RNF220: variants seen among roughly 807,000 people sequenced by gnomAD.
RNF220 encodes E3 ubiquitin-protein ligase RNF220.
Under a neutral mutation model 67.1 loss-of-function variants are expected in RNF220, and 7 were observed. That is an observed-to-expected ratio of 0.10 (90% CI 0.06 to 0.20). RNF220 has a LOEUF of 0.20. Among genes scored for constraint, RNF220 ranks in the 10% least tolerant of loss-of-function variants. RNF220 has a pLI of 1.00. For synonymous variants in RNF220, 270 were observed against 283.2 expected, an observed-to-expected ratio of 0.95 and a Z score of 0.47; for missense variants, 565 against 740.3, an observed-to-expected ratio of 0.76 and a Z score of 2.75.
At chr1:44,574,802 T>C (rs1243444714) in intron 2 of RNF220, among the ~76,000 whole-genome samples, 2 of 152,150 alleles carry the variant, frequency 1.3e-5, no homozygotes, top group Non-Finnish European at 2.9e-5. Flanking sequence ...CCGCCTGTGC[T>C]AACCCCTATG....
chr1:44,553,225 AT>A (rs1401223441), intron 2 of RNF220, among the ~76,000 whole-genome samples: 2 of 151,790 alleles, frequency 1.3e-5, no homozygotes, highest in Non-Finnish European at 2.9e-5. Flanking sequence ...TCTTCTTGTA[AT>A]TGCCTCCCTG....
At chr1:44,443,799 A>AT (rs1651797918) in intron 2 of RNF220, among the ~76,000 whole-genome samples, 1 of 152,244 alleles carries the variant, frequency 6.6e-6, no homozygotes, top group Middle Eastern at 3.2e-3. Flanking sequence ...AGCTCAAGAA[A>AT]TAGAGCATTA....
At chr1:44,440,783 G>C (rs539503896) in intron 2 of RNF220, among the ~76,000 whole-genome samples, 2 of 152,332 alleles carry the variant, frequency 1.3e-5, no homozygotes, top group East Asian at 3.9e-4. Flanking sequence ...TGTTGAGGCA[G>C]TATTAATCAT....
rs1643742747 is a variant in RNF220, at chr1:44,620,358, G to A, written c.759-2384G>A. Reference sequence around the variant, plus strand: ...ATCATTGTTCATTCCTTCCTTTTCTGCTGTCACCTGATCCAACTGGAGATA... The same window carrying A: ...ATCATTGTTCATTCCTTCCTTTTCTACTGTCACCTGATCCAACTGGAGATA... On this transcript the variant is annotated intron_variant, in intron 3 of 14. Transcript: ENST00000361799. 1.3e-5 allele frequency among the ~76,000 whole-genome samples: 2 copies of A among 152,180 alleles called. 1 individual carries two copies. Among genetic ancestry groups the A allele is most frequent in the South Asian group, 4.1e-4 (2 of 4,832 alleles).
intron 5 of RNF220, among the ~76,000 whole-genome samples, chr1:44,627,768 C>A (rs72671948): frequency 0.041 from 6,249 of 152,292 alleles, 284 homozygotes; most frequent in African/African-American, 0.097. Context: ...CTGCAGGGAC[C>A]TGTAAGCTTG....
intron 2 of RNF220, among the ~76,000 whole-genome samples, chr1:44,414,899 G>T (rs1315476434): frequency 6.7e-6 from 1 of 150,374 alleles, no homozygotes; most frequent in Non-Finnish European, 1.5e-5. Context: ...GAGGGTGTTC[G>T]TACACCCTCG....
At position 44,614,297 on chromosome 1, in the gene RNF220, G is replaced by A. The variant is rs1643448151; in HGVS notation, c.758G>A (p.Ser253Asn). 2 of 1,613,480 alleles carry A rather than the reference G, an allele frequency of 1.2e-6. No homozygotes were observed. Among genetic ancestry groups the A allele is most frequent in the Non-Finnish European group, 1.7e-6 (2 of 1,179,700 alleles). ...ELEQLAQLPS[S>N]KNSLLKDAMA... The stretch of plus-strand genomic sequence containing the variant: ...GAGCAGCTAGCCCAACTGCCCTCGA[G>A]GTAAGCCACCTCCCAGGGAGCCTGC... The change falls in exon 3 of 15, where the codon AGC (serine) becomes AAC (asparagine). Residue 253 changes from serine (S) to asparagine (N), a missense_variant and splice_region_variant. Physicochemically the swap from Ser to Asn is conservative, Grantham distance 46. Coordinates refer to ENST00000361799, the MANE Select transcript of RNF220 (RefSeq NM_018150.4).
At chr1:44,632,322 C>T in intron 5 of RNF220, 21 bp from the exon 6 acceptor site, 1 of 1,614,124 alleles carries the variant, frequency 6.2e-7, no homozygotes, top group Non-Finnish European at 8.5e-7. Context: ...TTTCTTGCAT[C>T]TGCCCGCGAT....
chr1:44,500,384 C>G (rs1657727007), intron 2 of RNF220, among the ~76,000 whole-genome samples: 1 of 152,190 alleles, frequency 6.6e-6, no homozygotes, highest in African/African-American at 2.4e-5. Context: ...TTCCCTAACA[C>G]ACCCCCGCTG....
intron 2 of RNF220, among the ~76,000 whole-genome samples, chr1:44,509,096 T>C (rs188658426): frequency 6.6e-6 from 1 of 152,334 alleles, no homozygotes; most frequent in East Asian, 1.9e-4. Context: ...TCTTTTGCGT[T>C]TTCCTTTAGC....
intron 2 of RNF220, among the ~76,000 whole-genome samples, chr1:44,514,005 A>G (rs1459824646): frequency 6.6e-6 from 1 of 152,278 alleles, no homozygotes; most frequent in Non-Finnish European, 1.5e-5. Flanking sequence ...GCCACCCTTC[A>G]TAGTATCACC....
At chr1:44,556,099 A>G (rs1663057900) in intron 2 of RNF220, among the ~76,000 whole-genome samples, 1 of 150,332 alleles carries the variant, frequency 6.7e-6, no homozygotes, top group African/African-American at 2.5e-5. Context: ...CAGTGGCACA[A>G]TCTCGGTACA....
At chr1:44,540,911 C>T (rs913575775) in intron 2 of RNF220, among the ~76,000 whole-genome samples, 1 of 152,034 alleles carries the variant, frequency 6.6e-6, no homozygotes. Context: ...TTGATTTCCT[C>T]GTTTTTTGGG....
At position 44,645,732 on chromosome 1, in the gene RNF220, T is replaced by C. The variant is rs1644623959; in HGVS notation, c.1445+244T>C. Among the ~76,000 whole-genome samples the C allele has an allele frequency of 6.6e-6, 1 of 152,168 alleles. No homozygotes were observed. The highest frequency in any genetic ancestry group is 2.1e-4 in the South Asian group (1 of 4,830). Reference sequence around the variant, plus strand: ...GGAGCAGTCCACCCGCCTGCCTGCCTGCCTGCCCGCCTGCTGCGGCGGCCT... The same window carrying C: ...GGAGCAGTCCACCCGCCTGCCTGCCCGCCTGCCCGCCTGCTGCGGCGGCCT... On this transcript the variant is annotated intron_variant, in intron 12 of 14. Transcript: ENST00000361799. The surrounding 1 kb of genome is among the most constrained non-coding windows in gnomAD (Gnocchi z 5.0).
At chr1:44,574,097 C>T (rs1273940231) in intron 2 of RNF220, among the ~76,000 whole-genome samples, 1 of 152,072 alleles carries the variant, frequency 6.6e-6, no homozygotes. Flanking sequence ...CAGAGTGAGA[C>T]CCTTGTCCTA....
intron 2 of RNF220, among the ~76,000 whole-genome samples, chr1:44,527,650 G>A (rs1159140753): frequency 6.6e-6 from 1 of 151,836 alleles, no homozygotes; most frequent in Non-Finnish European, 1.5e-5. Flanking sequence ...GCAGGGCTGG[G>A]TGCGGTGGCT....
At chr1:44,605,737 G>A (rs367619181) in intron 2 of RNF220, among the ~76,000 whole-genome samples, 1 of 152,150 alleles carries the variant, frequency 6.6e-6, no homozygotes, top group Non-Finnish European at 1.5e-5. Flanking sequence ...AGGAACCCTA[G>A]GTTGCATCCT....
chr1:44,427,883 T>C (rs1649958011), intron 2 of RNF220, among the ~76,000 whole-genome samples: 1 of 152,182 alleles, frequency 6.6e-6, no homozygotes, highest in Non-Finnish European at 1.5e-5. Context: ...GGGCACAGAT[T>C]TGAGGTCTCT....
In RNF220 at chr1:44,644,953, C is replaced by G. The variant is rs1250260563; in HGVS notation, c.1224-42C>G. On this transcript the variant is annotated intron_variant, in intron 9 of 14. Transcript: ENST00000361799. Reference sequence around the variant, plus strand: ...CTCCTGAGGATTCAACCCTCATAGCCTGCTGCAAACTAGGATCCATTGTCC... The same window carrying G: ...CTCCTGAGGATTCAACCCTCATAGCGTGCTGCAAACTAGGATCCATTGTCC... 5.0e-6 allele frequency: 8 copies of G among 1,606,994 alleles called. No homozygotes were observed. In the South Asian group the frequency reaches 8.8e-5, roughly 18 times the overall value.
Sources: gnomAD v4.1 joint callset for allele counts (sites outside exome capture counted in the v4.1 genomes callset) on GRCh38, gnomAD v4.1.1 for gene constraint, Gnocchi (gnomAD v3.1) non-coding constraint, MANE v1.5 for transcripts, NCBI Gene and HGNC (gene_info 2026-07-23, HGNC 2026-07-21) for gene names.